Variants in CNTNAP5 observed in about 807,000 individuals in gnomAD.
CNTNAP5 encodes the protein contactin-associated protein-like 5.
In CNTNAP5, 72 loss-of-function variants were observed where a neutral mutation model predicts 150.2. That is an observed-to-expected ratio of 0.48 (90% CI 0.40 to 0.58). The LOEUF (loss-of-function observed/expected upper bound fraction) is 0.58, where lower values mean the gene tolerates loss of function less well. Among genes scored for constraint, CNTNAP5 ranks in the 20% least tolerant of loss-of-function variants. The pLI is 0.00. For synonymous variants in CNTNAP5, 672 were observed against 619.8 expected, an observed-to-expected ratio of 1.08 and a Z score of -1.25; for missense variants, 1,636 against 1,626.2, an observed-to-expected ratio of 1.01 and a Z score of -0.10.
intron 6 of CNTNAP5, among the ~76,000 whole-genome samples, chr2:124,450,781 A>C (rs1692948951): frequency 1.3e-5 from 2 of 151,614 alleles, no homozygotes; most frequent in Admixed American, 1.3e-4. Context: ...TTGTAATCCA[A>C]GAAGGCTTTT....
At chr2:124,064,223 T>C (rs72844489) in intron 1 of CNTNAP5, among the ~76,000 whole-genome samples, 1 of 152,098 alleles carries the variant, frequency 6.6e-6, no homozygotes, top group Non-Finnish European at 1.5e-5. Flanking sequence ...CCACTTAGAG[T>C]AGAAAGAATA....
intron 11 of CNTNAP5, among the ~76,000 whole-genome samples, chr2:124,584,672 T>G (rs1338766755): frequency 6.6e-6 from 1 of 152,166 alleles, no homozygotes; most frequent in Admixed American, 6.5e-5. Flanking sequence ...ATTACCACCA[T>G]GGCCTCTGCA....
intron 13 of CNTNAP5, among the ~76,000 whole-genome samples, chr2:124,706,934 AAGAAGAAGGAGGAGG>A (rs1291267525): frequency 1.9e-5 from 2 of 106,878 alleles, no homozygotes; most frequent in African/African-American, 6.7e-5. Context: ...GAAGAAGAAG[AAGAAGAAGGAGGAGG>A]AGGAGGAGGA....
chr2:124,551,875 A>G (rs1211324434), intron 10 of CNTNAP5, among the ~76,000 whole-genome samples: 1 of 152,166 alleles, frequency 6.6e-6, no homozygotes, highest in Non-Finnish European at 1.5e-5. Flanking sequence ...TACACTGAGT[A>G]TATTTTTTAA....
intron 19 of CNTNAP5, among the ~76,000 whole-genome samples, chr2:124,858,933 T>C (rs1364520986): frequency 6.6e-6 from 1 of 152,142 alleles, no homozygotes; most frequent in Admixed American, 6.5e-5. Context: ...ACATAAATGT[T>C]AGACCTAAAA....
At chr2:124,239,570 C>T (rs1273341687) in intron 2 of CNTNAP5, among the ~76,000 whole-genome samples, 1 of 152,028 alleles carries the variant, frequency 6.6e-6, no homozygotes, top group Non-Finnish European at 1.5e-5. Context: ...ATAAGGGAAA[C>T]TATGTTATAT....
intron 13 of CNTNAP5, among the ~76,000 whole-genome samples, chr2:124,702,650 A>G (rs1002532836): frequency 1.3e-5 from 2 of 151,992 alleles, no homozygotes; most frequent in African/African-American, 4.8e-5. Flanking sequence ...GGGGCTGGAG[A>G]ATTGCATGCC....
intron 3 of CNTNAP5, among the ~76,000 whole-genome samples, chr2:124,302,736 G>T (rs1412177703): frequency 6.6e-6 from 1 of 152,122 alleles, no homozygotes. Context: ...AAGCCACAGT[G>T]GTACCCATTT....
At chr2:124,168,558 C>T (rs2699369) in intron 1 of CNTNAP5, among the ~76,000 whole-genome samples, 147,462 of 152,230 alleles carry the variant, frequency 0.97, 71,598 homozygotes, top group East Asian at 1. Context: ...GAAAAAGGTA[C>T]GTTACAAAAT....
At position 124,368,642 on chromosome 2, in the gene CNTNAP5, A is replaced by G. The variant is rs573155785; in HGVS notation, c.382-48801A>G. The stretch of plus-strand genomic sequence containing the variant: ...TAAGAAAGAATGAGGAGGCACCTAT[A>G]TACTGGTATGGAAAACTATTCAAAA... On this transcript the variant is annotated intron_variant, in intron 3 of 23. Transcript: ENST00000682447. 2.2e-3 allele frequency among the ~76,000 whole-genome samples: 340 copies of G among 152,314 alleles called. 1 individual carries two copies. Among genetic ancestry groups the G allele is most frequent in the Non-Finnish European group, 4.1e-3 (281 of 68,024 alleles).
intron 14 of CNTNAP5, among the ~76,000 whole-genome samples, chr2:124,752,368 T>A (rs939098606): frequency 3.2e-4 from 48 of 152,066 alleles, no homozygotes; most frequent in Admixed American, 1.2e-3. Flanking sequence ...TCTATTTTAA[T>A]AAGCCACTGT....
intron 14 of CNTNAP5, among the ~76,000 whole-genome samples, chr2:124,752,732 A>C (rs969447931): frequency 4.6e-5 from 7 of 152,202 alleles, no homozygotes; most frequent in African/African-American, 1.7e-4. Flanking sequence ...AGTCCTCCCA[A>C]CTAGATGGTT....
At chr2:124,912,343 C>G (rs74456505) in intron 23 of CNTNAP5, among the ~76,000 whole-genome samples, 1,543 of 152,158 alleles carry the variant, frequency 0.01, 27 homozygotes, top group African/African-American at 0.034. Context: ...CCTGCAGTAC[C>G]TCTCCATTTA....
At position 124,087,150 on chromosome 2, in the gene CNTNAP5, C is replaced by T. The variant is rs114143776; in HGVS notation, c.82+61418C>T. Among the ~76,000 whole-genome samples the T allele has an allele frequency of 3.4e-3, 514 of 151,856 alleles. 19 individuals carry two copies. Among genetic ancestry groups the T allele is most frequent in the African/African-American group, 0.012 (496 of 41,180 alleles). ...GTTTTAATTATTTCCTCTGCATACACTTAGACTTAGAAGCACATTATACGA... is the reference window on the plus strand; with the variant it reads ...GTTTTAATTATTTCCTCTGCATACATTTAGACTTAGAAGCACATTATACGA... On this transcript the variant is annotated intron_variant, in intron 1 of 23. Coordinates refer to ENST00000682447, the MANE Select transcript of CNTNAP5 (RefSeq NM_001367498.1).
intron 23 of CNTNAP5, among the ~76,000 whole-genome samples, chr2:124,912,970 GT>G (rs1187073080): frequency 2.2e-4 from 34 of 151,950 alleles, no homozygotes; most frequent in African/African-American, 8.0e-4. Flanking sequence ...TTCTAACATA[GT>G]TGTAGAAAAT....
chr2:124,833,054 T>C (rs1215025521), intron 19 of CNTNAP5, among the ~76,000 whole-genome samples: 1 of 151,850 alleles, frequency 6.6e-6, no homozygotes, highest in Non-Finnish European at 1.5e-5. Flanking sequence ...GGATTACAGA[T>C]GGACACCACC....
chr2:124,344,731 G>A (rs1186712009), intron 3 of CNTNAP5, among the ~76,000 whole-genome samples: 3 of 152,138 alleles, frequency 2.0e-5, no homozygotes, highest in African/African-American at 4.8e-5. Context: ...ACTGCAGCAC[G>A]GGTGACAGAG....
At chr2:124,727,642 C>G (rs899009760) in intron 13 of CNTNAP5, among the ~76,000 whole-genome samples, 3 of 151,976 alleles carry the variant, frequency 2.0e-5, no homozygotes, top group Non-Finnish European at 4.4e-5. Flanking sequence ...AGAAGCACTA[C>G]TAAATTGTAA....
At chr2:124,706,784 A>AGAAGAAGAAGAG (rs1222070882) in intron 13 of CNTNAP5, among the ~76,000 whole-genome samples, 4 of 37,620 alleles carry the variant, frequency 1.1e-4, no homozygotes, top group African/African-American at 1.1e-4. Flanking sequence ...AAGAAGAAGA[A>AGAAGAAGAAGAG]GAAGAAGAAG....
Sources: allele counts gnomAD v4.1 joint callset (sites outside exome capture counted in the v4.1 genomes callset), GRCh38; gene constraint gnomAD v4.1.1; transcripts MANE v1.5; gene names NCBI Gene and HGNC (gene_info 2026-07-23, HGNC 2026-07-21).